LPCAT3: variants seen among roughly 807,000 people sequenced by gnomAD.
The protein encoded by LPCAT3 is lysophosphatidylcholine acyltransferase 3.
In LPCAT3, 21 loss-of-function variants were observed where a neutral mutation model predicts 63.4. That is an observed-to-expected ratio of 0.33 (90% CI 0.23 to 0.48). The LOEUF is 0.48. LPCAT3 is among the 20% of genes least tolerant of loss of function. The pLI is 0.99. For synonymous variants in LPCAT3, 242 were observed against 227.5 expected, an observed-to-expected ratio of 1.06 and a Z score of -0.58; for missense variants, 451 against 590.6, an observed-to-expected ratio of 0.76 and a Z score of 2.45.
Position 6,982,657 on chromosome 12 carries a change from C to G in LPCAT3, c.366+19G>C. On this transcript the variant is annotated intron_variant, in intron 3 of 12. Coordinates refer to ENST00000261407, the MANE Select transcript of LPCAT3 (RefSeq NM_005768.6). ...CCGCTGTCAGCTGTAGCCTGAGCTGCTAAGGGAAAGACGTTTACCATCTGG... is the reference window on the plus strand; with the variant it reads ...CCGCTGTCAGCTGTAGCCTGAGCTGGTAAGGGAAAGACGTTTACCATCTGG... 1 of 1,577,458 alleles carries G rather than the reference C, an allele frequency of 6.3e-7. No homozygotes were observed. The highest frequency in any genetic ancestry group is 8.7e-7 in the Non-Finnish European group (1 of 1,147,058).
At chr12:7,004,446 AG>A (rs1202021823) in intron 1 of LPCAT3, among the ~76,000 whole-genome samples, 3 of 152,246 alleles carry the variant, frequency 2.0e-5, no homozygotes, top group Non-Finnish European at 4.4e-5. Flanking sequence ...GCTGAAGCAC[AG>A]ACAGGGTTAG....
chr12:6,996,993 C>A (rs920447825), intron 1 of LPCAT3, among the ~76,000 whole-genome samples: 1 of 147,638 alleles, frequency 6.8e-6, no homozygotes, highest in Non-Finnish European at 1.5e-5. Flanking sequence ...CAGGCAGAGT[C>A]TGAAATTGAT....
chr12:6,994,432 T>C (rs1555155842), intron 1 of LPCAT3, among the ~76,000 whole-genome samples: 1 of 152,172 alleles, frequency 6.6e-6, no homozygotes, highest in African/African-American at 2.4e-5. Context: ...AGTCTCGAAC[T>C]CCTGACCTCA....
At position 7,003,641 on chromosome 12, in the gene LPCAT3, G is replaced by A. The variant is rs185893799; in HGVS notation, c.151+14633C>T. On this transcript the variant is annotated intron_variant, in intron 1 of 12. Coordinates refer to ENST00000261407, the MANE Select transcript of LPCAT3 (RefSeq NM_005768.6). The stretch of plus-strand genomic sequence containing the variant: ...CATGCATAAGAATTACCTAGGATGC[G>A]GCCGGGCGCGGTGGCTCACGCCTGT... Among the ~76,000 whole-genome samples, 26 of 152,038 alleles carry A rather than the reference G, an allele frequency of 1.7e-4. 1 individual carries two copies. The East Asian group carries it at 4.3e-3, about 25-fold the overall frequency.
rs778625660 is a variant in LPCAT3 at position 6,977,342 on chromosome 12, G to C, written c.1347+25C>G. 142 of 1,613,794 alleles carry C rather than the reference G, an allele frequency of 8.8e-5. No individual in the cohort carries two copies. Among genetic ancestry groups the C allele is most frequent in the Non-Finnish European group, 1.2e-4 (136 of 1,179,784 alleles). On this transcript the variant is annotated intron_variant, in intron 11 of 12. Coordinates refer to ENST00000261407, the MANE Select transcript of LPCAT3 (RefSeq NM_005768.6). This position sits in a 1 kb window ranked among gnomAD's most constrained non-coding sequence, Gnocchi z 4.5. ...TTGAGGTTGCAGTGAGTCCCTCCCA[G>C]TCTCACAAGCAGGCCTTCACTTGCC...
chr12:7,007,493 CTTTT>C (rs1161030834), intron 1 of LPCAT3, among the ~76,000 whole-genome samples: 1 of 121,694 alleles, frequency 8.2e-6, no homozygotes. Flanking sequence ...TTGACAAAAG[CTTTT>C]TTTTTTTTTT....
chr12:7,000,620 C>T (rs1324526239), intron 1 of LPCAT3, among the ~76,000 whole-genome samples: 1 of 149,076 alleles, frequency 6.7e-6, no homozygotes, highest in African/African-American at 2.5e-5. Context: ...AAAATATTTG[C>T]AAAAGTAGCA....
intron 1 of LPCAT3, among the ~76,000 whole-genome samples, chr12:7,008,470 A>G (rs2138358960): frequency 6.6e-6 from 1 of 152,350 alleles, no homozygotes; most frequent in African/African-American, 2.4e-5. Context: ...TGTTAAAGCT[A>G]CAAGTCACAA....
Position 7,018,442 on chromosome 12 carries a change from C to T in LPCAT3, c.-18G>A. On this transcript the variant is annotated 5_prime_UTR_variant, in exon 1 of 13. Coordinates refer to ENST00000261407, the MANE Select transcript of LPCAT3 (RefSeq NM_005768.6). This position sits in a 1 kb window ranked among gnomAD's most constrained non-coding sequence, Gnocchi z 4.9. ...GACGCCATCTTAACTCCGGGAGCCC[C>T]ACAGGGACCCCCCAGCTCCGCGCGC... 1 of 1,583,202 alleles carries T rather than the reference C, an allele frequency of 6.3e-7. No individual in the cohort carries two copies. The highest frequency in any genetic ancestry group is 8.6e-7 in the Non-Finnish European group (1 of 1,162,598).
intron 1 of LPCAT3, among the ~76,000 whole-genome samples, chr12:7,009,003 C>G (rs1230830530): frequency 2.0e-5 from 3 of 152,178 alleles, no homozygotes; most frequent in Non-Finnish European, 4.4e-5. Context: ...TCCTATCTGT[C>G]AGGCCTACAA....
intron 1 of LPCAT3, chr12:7,001,582 G>A (rs1946688070): frequency 4.4e-6 from 2 of 450,244 alleles, no homozygotes; most frequent in Non-Finnish European, 4.5e-6. Context: ...TGGCTGTGAG[G>A]CTGAGGCAGG....
chr12:6,984,437 C>T (rs931383813), intron 1 of LPCAT3, among the ~76,000 whole-genome samples: 14 of 152,322 alleles, frequency 9.2e-5, no homozygotes, highest in Admixed American at 4.6e-4. Context: ...AGAGGTCTGG[C>T]GGCCATGCCT....
At chr12:7,008,650 G>T (rs1349384847) in intron 1 of LPCAT3, among the ~76,000 whole-genome samples, 2 of 152,010 alleles carry the variant, frequency 1.3e-5, no homozygotes, top group Non-Finnish European at 2.9e-5. Context: ...TACTCCGGAG[G>T]CTGAGGCAGG....
Position 6,980,150 on chromosome 12 carries a change from C to T in LPCAT3, c.678-571G>A, listed in dbSNP as rs1382219012. On this transcript the variant is annotated intron_variant, in intron 6 of 12. Coordinates refer to ENST00000261407, the MANE Select transcript of LPCAT3 (RefSeq NM_005768.6). ...GTGGCCTTGAACTCCTGGGCTCAAG[C>T]GATCCCCTTGCCTTGGCCACCTGAG... Among the ~76,000 whole-genome samples, 13 of 151,566 alleles carry T rather than the reference C, an allele frequency of 8.6e-5. 1 individual carries two copies. Among genetic ancestry groups the T allele is most frequent in the African/African-American group, 1.2e-4 (5 of 41,190 alleles).
At chr12:6,990,485 G>A (rs1946577376) in intron 1 of LPCAT3, among the ~76,000 whole-genome samples, 1 of 150,314 alleles carries the variant, frequency 6.7e-6, no homozygotes, top group Non-Finnish European at 1.5e-5. Flanking sequence ...CTCCAGCCTG[G>A]GCGACACAGT....
intron 6 of LPCAT3, among the ~76,000 whole-genome samples, chr12:6,980,548 G>A (rs1008216083): frequency 6.6e-6 from 1 of 151,686 alleles, no homozygotes; most frequent in Non-Finnish European, 1.5e-5. Flanking sequence ...TAGAGACAGA[G>A]TCTCTCTATG....
chr12:6,991,051 T>C (rs1319147985), intron 1 of LPCAT3, among the ~76,000 whole-genome samples: 3 of 151,964 alleles, frequency 2.0e-5, no homozygotes, highest in Non-Finnish European at 4.4e-5. Flanking sequence ...TAAACCACTA[T>C]ATTTCCCAAA....
chr12:6,978,619 G>T lies in LPCAT3; in HGVS notation c.857C>A (p.Thr286Asn). The T allele has an allele frequency of 6.2e-7, 1 of 1,614,198 alleles. No individual in the cohort carries two copies. The highest frequency in any genetic ancestry group is 8.5e-7 in the Non-Finnish European group (1 of 1,180,048). The change falls in exon 8 of 13, where the codon ACC becomes AAC. Residue 286 changes from threonine (T) to asparagine (N), a missense_variant. Around this residue, in one of 3 missense-constraint regions of LPCAT3, gnomAD observed 304 missense variants for 390.8 expected, o/e 0.78. Coordinates refer to ENST00000261407, the MANE Select transcript of LPCAT3 (RefSeq NM_005768.6). Reference sequence around the variant, plus strand: ...TCTACTTACTGTGACCAGCCAACAGGTGACATATTTGTACAGCACAAACTT... The same window carrying T: ...TCTACTTACTGTGACCAGCCAACAGTTGACATATTTGTACAGCACAAACTT... ...WGKFVLYKYVTCWLVTEGVCI... is the reference protein window; with the variant it reads ...WGKFVLYKYVNCWLVTEGVCI...
chr12:6,992,324 CAAA>C (rs1234943370), intron 1 of LPCAT3, among the ~76,000 whole-genome samples: 2 of 132,532 alleles, frequency 1.5e-5, no homozygotes, highest in Non-Finnish European at 1.6e-5. Flanking sequence ...GACCCTGCCT[CAAA>C]AAAAAAAAAC....
Sources: allele counts gnomAD v4.1 joint callset (sites outside exome capture counted in the v4.1 genomes callset), GRCh38; gene constraint gnomAD v4.1.1; regional missense constraint gnomAD v4.1.1; non-coding constraint Gnocchi (gnomAD v3.1); transcripts MANE v1.5; gene names NCBI Gene and HGNC (gene_info 2026-07-23, HGNC 2026-07-21).